Variants in B3GALT1 observed in about 807,000 individuals in gnomAD.
The protein encoded by B3GALT1 is UDP-Gal:betaGlcNAc beta 1,3-galactosyltransferase, polypeptide 1.
B3GALT1 carries 10 observed loss-of-function variants against 23.2 expected under a neutral mutation model. That is an observed-to-expected ratio of 0.43 (90% confidence interval 0.27 to 0.73). The LOEUF (loss-of-function observed/expected upper bound fraction) is 0.73. B3GALT1 is among the 30% of genes least tolerant of loss of function. B3GALT1 has a pLI of 0.21. For missense variants in B3GALT1, 299 were observed against 405.4 expected, an observed-to-expected ratio of 0.74 and a Z score of 2.25; for synonymous variants, 156 against 141.5, an observed-to-expected ratio of 1.10 and a Z score of -0.73.
intron 3 of B3GALT1, among the ~76,000 whole-genome samples, chr2:167,708,321 A>G (rs1374577692): frequency 6.6e-6 from 1 of 152,220 alleles, no homozygotes; most frequent in Non-Finnish European, 1.5e-5. Flanking sequence ...CTGCTCAGCC[A>G]GCCACCCGGC....
chr2:167,859,919 C>A (rs1690066658), intron 4 of B3GALT1, among the ~76,000 whole-genome samples: 2 of 152,154 alleles, frequency 1.3e-5, no homozygotes, highest in South Asian at 4.1e-4. Flanking sequence ...AGAGCCAGCC[C>A]TCTGTGATTT....
In B3GALT1 at chr2:167,872,479, C is replaced by G. The variant is rs1690372274; in HGVS notation, c.*2459C>G. 6.6e-6 allele frequency: 1 copy of G among 152,196 alleles called. No homozygotes were observed. The highest frequency in any genetic ancestry group is 6.5e-5 in the Admixed American group (1 of 15,282). The allele number at this position is 152,196 out of a possible 1,614,324, so 9.4% of individuals were successfully genotyped here. ...AGGTGAACCACCCTCCAACCTGCAG[C>G]CTCAACTGCTGTGAGTTCCAATCAC... is the stretch of plus-strand genomic sequence containing the variant. On this transcript the variant is annotated 3_prime_UTR_variant, in exon 5 of 5. Coordinates refer to ENST00000392690, the MANE Select transcript of B3GALT1 (RefSeq NM_020981.4).
chr2:167,524,249 A>G (rs1683186357), intron 2 of B3GALT1, among the ~76,000 whole-genome samples: 1 of 152,170 alleles, frequency 6.6e-6, no homozygotes. Flanking sequence ...TTCAAATCAT[A>G]CTAATTTAAT....
chr2:167,825,727 G>C (rs1301508489), intron 4 of B3GALT1, among the ~76,000 whole-genome samples: 2 of 152,054 alleles, frequency 1.3e-5, no homozygotes, highest in African/African-American at 4.8e-5. Context: ...GAGAGACACT[G>C]TGATTGTGCA....
chr2:167,471,976 A>G (rs1286620655), intron 1 of B3GALT1, among the ~76,000 whole-genome samples: 2 of 152,194 alleles, frequency 1.3e-5, no homozygotes, highest in Non-Finnish European at 2.9e-5. Context: ...GCAGACCACA[A>G]AAGCTCACAT....
chr2:167,521,980 G>GTA (rs1211999226), intron 2 of B3GALT1, among the ~76,000 whole-genome samples: 18,048 of 127,328 alleles, frequency 0.14, 1,521 homozygotes, highest in East Asian at 0.43. Context: ...GTGTGTGTGT[G>GTA]TGTGTATATA....
chr2:167,557,466 A>C (rs1683874689), intron 2 of B3GALT1, among the ~76,000 whole-genome samples: 1 of 152,218 alleles, frequency 6.6e-6, no homozygotes, highest in African/African-American at 2.4e-5. Context: ...TGGCTCTCAA[A>C]GTTTCAGTAG....
At chr2:167,397,340 T>A (rs1698115496) in intron 1 of B3GALT1, among the ~76,000 whole-genome samples, 1 of 152,056 alleles carries the variant, frequency 6.6e-6, no homozygotes. Context: ...TTAGATTCCT[T>A]TGAATCCAAA....
At chr2:167,810,931 C>T (rs933095367) in intron 3 of B3GALT1, among the ~76,000 whole-genome samples, 1 of 152,184 alleles carries the variant, frequency 6.6e-6, no homozygotes, top group African/African-American at 2.4e-5. Context: ...GTAGCTCATT[C>T]ACTGTGTTCT....
intron 1 of B3GALT1, among the ~76,000 whole-genome samples, chr2:167,440,178 C>T (rs1384442426): frequency 6.6e-6 from 1 of 151,566 alleles, no homozygotes; most frequent in African/African-American, 2.4e-5. Flanking sequence ...CCCATCTCTA[C>T]TAAAAATACA....
chr2:167,381,062 G>A (rs1697841077), intron 1 of B3GALT1, among the ~76,000 whole-genome samples: 1 of 151,842 alleles, frequency 6.6e-6, no homozygotes, highest in Non-Finnish European at 1.5e-5. Context: ...ACACTTCTGG[G>A]TTTTTTTTAT....
At chr2:167,641,085 G>A (rs924811326) in intron 2 of B3GALT1, among the ~76,000 whole-genome samples, 3 of 152,024 alleles carry the variant, frequency 2.0e-5, no homozygotes, top group African/African-American at 7.3e-5. Flanking sequence ...GAGAAATTTG[G>A]GTGAGAGCTA....
intron 1 of B3GALT1, among the ~76,000 whole-genome samples, chr2:167,485,048 G>T (rs901611040): frequency 2.4e-4 from 37 of 152,108 alleles, no homozygotes; most frequent in African/African-American, 8.9e-4. Flanking sequence ...CCAAAGGGAA[G>T]AGAGTATAGT....
At chr2:167,573,962 A>G (rs1464699574) in intron 2 of B3GALT1, among the ~76,000 whole-genome samples, 3 of 151,606 alleles carry the variant, frequency 2.0e-5, no homozygotes, top group Non-Finnish European at 4.4e-5. Context: ...ATGAAAACAG[A>G]GATATGTAAG....
At chr2:167,548,030 T>C (rs1431515186) in intron 2 of B3GALT1, among the ~76,000 whole-genome samples, 5 of 152,228 alleles carry the variant, frequency 3.3e-5, no homozygotes, top group African/African-American at 1.2e-4. Context: ...AATGTTAACC[T>C]TTTGAACCTT....
chr2:167,572,067 C>T (rs1684302926), intron 2 of B3GALT1, among the ~76,000 whole-genome samples: 1 of 151,464 alleles, frequency 6.6e-6, no homozygotes, highest in Admixed American at 6.6e-5. Context: ...TAAGTCTTGG[C>T]CAACATCATA....
At chr2:167,713,580 CACTTAAGTAACAGCAGTT>C (rs1687095897) in intron 3 of B3GALT1, 2 of 828,308 alleles carry the variant, frequency 2.4e-6, no homozygotes, top group East Asian at 4.9e-5. Context: ...AAAGTGTAAT[CACTTAAGTAACAGCAGTT>C]ACTTAAACTG....
intron 2 of B3GALT1, among the ~76,000 whole-genome samples, chr2:167,630,580 A>G (rs1237095): frequency 0.029 from 4,376 of 151,642 alleles, 209 homozygotes; most frequent in African/African-American, 0.099. Context: ...GTGCTGAAGG[A>G]TTTTGGAGTG....
chr2:167,493,776 A>G (rs1197102714), intron 2 of B3GALT1, among the ~76,000 whole-genome samples: 2 of 152,164 alleles, frequency 1.3e-5, no homozygotes, highest in African/African-American at 2.4e-5. Context: ...GGAATGCTGG[A>G]TTTTCAAACA....
Sources: gnomAD v4.1 joint callset for allele counts (sites outside exome capture counted in the v4.1 genomes callset) on GRCh38, gnomAD v4.1.1 for gene constraint, MANE v1.5 for transcripts, NCBI Gene and HGNC (gene_info 2026-07-23, HGNC 2026-07-21) for gene names.